CRNKL1: variants seen among roughly 807,000 people sequenced by gnomAD.
CRNKL1 encodes the protein crooked neck-like protein 1.
In CRNKL1, 35 loss-of-function variants were observed where a neutral mutation model predicts 103.7. The ratio of observed to expected loss-of-function variants is 0.34; its 90% CI spans 0.26 to 0.45. The LOEUF is 0.45. Among genes scored for constraint, CRNKL1 ranks in the 20% least tolerant of loss-of-function variants. The pLI is 1.00. For synonymous variants in CRNKL1, 267 were observed against 282.6 expected (o/e 0.94, Z 0.55); for missense variants, 645 against 836.0 (o/e 0.77, Z 2.82).
rs77917664 is a variant in CRNKL1, at chr20:20,041,577, G to C, written c.1213C>G (p.Pro405Ala). The C allele has an allele frequency of 6.2e-7, 1 of 1,612,968 alleles. No homozygotes were observed. The highest frequency in any genetic ancestry group is 8.5e-7 in the Non-Finnish European group (1 of 1,178,990). ...TAGAGCAAACATACCTTTTTGTGAGGAATTAGTTCCAAAGAGGCTTGATAC... is the reference window on the plus strand; with the variant it reads ...TAGAGCAAACATACCTTTTTGTGAGCAATTAGTTCCAAAGAGGCTTGATAC... ...QVYQASLELI[P>A]HKKFTFAKMW... Residue 405 changes from proline (P) to alanine (A), a missense_variant, in exon 9 of 14, where the codon CCT becomes GCT. Physicochemically the swap from Pro to Ala is conservative, Grantham distance 27. This residue lies in a region of CRNKL1 where 582 missense variants were observed against 707.7 expected (regional missense o/e 0.82). Coordinates refer to ENST00000536226, the MANE Select transcript of CRNKL1 (RefSeq NM_001278628.2).
At chr20:20,038,044 G>A (rs1208333101) in intron 12 of CRNKL1, among the ~76,000 whole-genome samples, 1 of 150,204 alleles carries the variant, frequency 6.7e-6, no homozygotes, top group East Asian at 2.0e-4. Flanking sequence ...CCGAGATAAC[G>A]CCACTGCACT....
intron 11 of CRNKL1, among the ~76,000 whole-genome samples, chr20:20,039,209 G>A (rs552218053): frequency 1.3e-5 from 2 of 152,206 alleles, no homozygotes; most frequent in Non-Finnish European, 2.9e-5. Context: ...GACAACAGAA[G>A]TTGCAAGGAC....
intron 2 of CRNKL1, among the ~76,000 whole-genome samples, chr20:20,049,786 G>A (rs931163605): frequency 6.6e-6 from 1 of 151,708 alleles, no homozygotes; most frequent in Non-Finnish European, 1.5e-5. Context: ...TGGTCCTTTT[G>A]CAGACCTCAA....
At chr20:20,047,216 A>G (rs1481126614) in intron 5 of CRNKL1, among the ~76,000 whole-genome samples, 1 of 152,222 alleles carries the variant, frequency 6.6e-6, no homozygotes, top group East Asian at 1.9e-4. Context: ...CATGGGTTCC[A>G]TATCTGTGGA....
chr20:20,040,097 T>G (rs1397390908), intron 10 of CRNKL1, among the ~76,000 whole-genome samples: 1 of 152,090 alleles, frequency 6.6e-6, no homozygotes, highest in Non-Finnish European at 1.5e-5. Flanking sequence ...AAATAAGATT[T>G]GAAAGTTTCT....
rs534803114 is a variant in CRNKL1, at chr20:20,051,199, G to A, written c.52-577C>T. Among the ~76,000 whole-genome samples the A allele has an allele frequency of 2.6e-5, 4 of 152,282 alleles. No homozygotes were observed. In the East Asian group the frequency reaches 7.7e-4, roughly 29 times the overall value. The stretch of plus-strand genomic sequence containing the variant: ...TCACATGTGGTGAGTACAAATTGAG[G>A]TGGACTGTAAGTGTAAAATACACAT... On this transcript the variant is annotated intron_variant, in intron 1 of 13. Transcript: ENST00000536226.
chr20:20,045,187 G>T, intron 6 of CRNKL1, 121 bp downstream of exon 6: 1 of 793,184 alleles, frequency 1.3e-6, no homozygotes, highest in Non-Finnish European at 2.0e-6. Flanking sequence ...CTGTGTTTTT[G>T]TATTTTGAAA....
rs1360860684 is a variant in CRNKL1, at chr20:20,038,431, A to G, written c.1565T>C (p.Ile522Thr). ...TTCTTCCTGCTCAATTTCAAAATCA[A>G]TATATGATTTCCAAAGCACCTAAGG... ...DMPEVLWKSY[I>T]DFEIEQEETE... Residue 522 changes from isoleucine to threonine, a missense_variant, in exon 12 of 14, where the codon ATT (isoleucine) becomes ACT (threonine). Physicochemically the swap from Ile to Thr is moderately conservative, Grantham distance 89 (BLOSUM62 -1). Coordinates refer to ENST00000536226, the MANE Select transcript of CRNKL1 (RefSeq NM_001278628.2). 4 of 1,550,978 alleles carry G rather than the reference A, an allele frequency of 2.6e-6. No individual in the cohort carries two copies. The South Asian group carries it at 4.8e-5, about 18-fold the overall frequency.
intron 2 of CRNKL1, 67 bp downstream of exon 2, chr20:20,050,403 G>C: frequency 7.0e-7 from 1 of 1,424,844 alleles, no homozygotes; most frequent in Non-Finnish European, 9.6e-7. Flanking sequence ...CAACCAATGA[G>C]GAGCTTTTCA....
At chr20:20,040,540 C>T (rs1365686741) in intron 10 of CRNKL1, 146 bp downstream of exon 10, 23 of 653,040 alleles carry the variant, frequency 3.5e-5, no homozygotes, top group Middle Eastern at 4.0e-4. Context: ...TTACAGAGGA[C>T]GCATGTTTTC....
At chr20:20,055,576 C>T (rs1010400966), upstream of CRNKL1, among the ~76,000 whole-genome samples, 2 of 152,154 alleles carry the variant, frequency 1.3e-5, no homozygotes, top group Admixed American at 6.5e-5. Flanking sequence ...TTCCCTCGCT[C>T]GCTTTCTTTC....
chr20:20,037,179 G>T, intron 13 of CRNKL1, 144 bp downstream of exon 13: 2 of 973,640 alleles, frequency 2.1e-6, no homozygotes, highest in Non-Finnish European at 3.1e-6. Flanking sequence ...TTCCATAACA[G>T]CCAGATTGCA....
chr20:20,034,968 ATG>A lies in CRNKL1; in HGVS notation c.*1225_*1226del, dbSNP rs1372543134. 5 of 152,214 alleles carry A rather than the reference ATG, an allele frequency of 3.3e-5. No homozygotes were observed. Among genetic ancestry groups the A allele is most frequent in the Non-Finnish European group, 5.9e-5 (4 of 68,046 alleles). 9.4% of individuals were successfully genotyped at this position (152,214 alleles called of 1,614,324 possible). ...TCCTTGGGCAGTGAACAAAGAAAAA[ATG>A]TGCTTGAGAAACACAGTCCAGGTTA... On this transcript the variant is annotated 3_prime_UTR_variant, in exon 14 of 14. Coordinates refer to ENST00000536226, the MANE Select transcript of CRNKL1 (RefSeq NM_001278628.2).
intron 6 of CRNKL1, 76 bp from the exon 7 acceptor site, chr20:20,043,738 C>A: frequency 7.4e-7 from 1 of 1,354,760 alleles, no homozygotes; most frequent in Non-Finnish European, 1.0e-6. Flanking sequence ...GTAAATATAA[C>A]AAAATATTAC....
chr20:20,046,338 G>C (rs112969828), intron 5 of CRNKL1, among the ~76,000 whole-genome samples: 1 of 152,278 alleles, frequency 6.6e-6, no homozygotes, highest in Non-Finnish European at 1.5e-5. Flanking sequence ...CTGGCACGTA[G>C]CAAGTGCTAT....
rs1485308753 is a variant in CRNKL1 at position 20,037,384 on chromosome 20, C to T, written c.1835G>A (p.Arg612Lys). The T allele has an allele frequency of 3.1e-6, 5 of 1,614,172 alleles. No individual in the cohort carries two copies. In the East Asian group the frequency reaches 8.9e-5, roughly 29 times the overall value. The change falls in exon 13 of 14, where the codon AGA (arginine) becomes AAA (lysine). Residue 612 changes from arginine (R) to lysine (K), a missense_variant. Coordinates refer to ENST00000536226, the MANE Select transcript of CRNKL1 (RefSeq NM_001278628.2). ...EEFGTASDKE[R>K]VDKLMPEKVK... ...TTTCTCTGGCATGAGTTTGTCTACT[C>T]TCTCCTTATCTGAAGCTGTTCCAAA...
chr20:20,048,897 G>A (rs1263062752), intron 3 of CRNKL1, among the ~76,000 whole-genome samples: 2 of 152,142 alleles, frequency 1.3e-5, no homozygotes, highest in Non-Finnish European at 2.9e-5. Context: ...TCACGATAAG[G>A]AGACATGATA....
chr20:20,054,414 T>TACACACAC (rs371567134), upstream of CRNKL1, among the ~76,000 whole-genome samples: 13 of 151,478 alleles, frequency 8.6e-5, no homozygotes, highest in East Asian at 1.9e-4. Context: ...TATATATATA[T>TACACACAC]ACACACACAC....
rs2043404490 is a variant in CRNKL1 at position 20,035,420 on chromosome 20, T to C, written c.*775A>G. 6.6e-6 allele frequency: 1 copy of C among 152,250 alleles called. No individual in the cohort carries two copies. Among genetic ancestry groups the C allele is most frequent in the Non-Finnish European group, 1.5e-5 (1 of 68,034 alleles). 9.4% of individuals were successfully genotyped at this position (152,250 alleles called of 1,614,324 possible). On this transcript the variant is annotated 3_prime_UTR_variant, in exon 14 of 14. Transcript: ENST00000536226. ...CACACGTGAACAAGCCATTATTCTT[T>C]AAACAAGGTATTACAAACTCAACCA...
Sources: allele counts gnomAD v4.1 joint callset (sites outside exome capture counted in the v4.1 genomes callset), GRCh38; gene constraint gnomAD v4.1.1; regional missense constraint gnomAD v4.1.1; transcripts MANE v1.5; gene names NCBI Gene and HGNC (gene_info 2026-07-23, HGNC 2026-07-21).